NRXN3: variants seen among roughly 807,000 people sequenced by gnomAD.
NRXN3 encodes neurexin 3.
NRXN3 carries 32 observed loss-of-function variants against 137.6 expected under a neutral mutation model. The ratio of observed to expected loss-of-function variants is 0.23; its 90% confidence interval spans 0.18 to 0.31. The LOEUF is 0.31. NRXN3 is among the 10% of genes least tolerant of loss of function. The pLI, the probability that NRXN3 is intolerant of heterozygous loss-of-function variation, is 1.00. For missense variants in NRXN3, 1,574 were observed against 2,062.5 expected (o/e 0.76, Z 4.59); for synonymous variants, 798 against 784.5 (o/e 1.02, Z -0.29).
chr14:78,887,365 TTA>T (rs761851362), intron 10 of NRXN3, among the ~76,000 whole-genome samples: 1 of 152,038 alleles, frequency 6.6e-6, no homozygotes, highest in South Asian at 2.1e-4. Context: ...AAAGATTATT[TTA>T]TCTTTCTTTT....
intron 20 of NRXN3, among the ~76,000 whole-genome samples, chr14:79,848,635 A>G (rs2099385490): frequency 6.6e-6 from 1 of 152,154 alleles, no homozygotes; most frequent in Admixed American, 6.5e-5. Context: ...CCAGTCAGAA[A>G]TGAAGGTTTT....
chr14:79,246,695 C>T (rs1429900019), intron 15 of NRXN3: 1 of 152,126 alleles, frequency 6.6e-6, no homozygotes, highest in Non-Finnish European at 1.5e-5. Context: ...TGGCAAAAAT[C>T]AGAATAAAGC....
At chr14:79,128,323 T>C (rs2056886737) in intron 15 of NRXN3, among the ~76,000 whole-genome samples, 2 of 141,194 alleles carry the variant, frequency 1.4e-5, no homozygotes, top group African/African-American at 2.7e-5. Context: ...TTGTCATAGA[T>C]AGCTCTTATT....
intron 4 of NRXN3, among the ~76,000 whole-genome samples, chr14:78,469,080 C>T (rs1330479355): frequency 6.6e-6 from 1 of 152,082 alleles, no homozygotes; most frequent in Non-Finnish European, 1.5e-5. Flanking sequence ...ACCTTCTCCA[C>T]CTAGTTACAC....
intron 4 of NRXN3, chr14:78,300,779 C>A: frequency 1.2e-6 from 1 of 868,366 alleles, no homozygotes; most frequent in Non-Finnish European, 1.8e-6. Flanking sequence ...ATTCTGAATA[C>A]AGTCCAGATT....
intron 15 of NRXN3, among the ~76,000 whole-genome samples, chr14:79,182,570 G>A (rs1177952850): frequency 6.6e-6 from 1 of 152,172 alleles, no homozygotes; most frequent in African/African-American, 2.4e-5. Context: ...AGGCAGTAAT[G>A]CGAGGAGTGG....
chr14:78,824,461 C>T (rs1307715082), intron 10 of NRXN3, among the ~76,000 whole-genome samples: 2 of 152,120 alleles, frequency 1.3e-5, no homozygotes, highest in Admixed American at 1.3e-4. Flanking sequence ...ATATAGAAGG[C>T]ATTAGTGAAC....
chr14:79,613,696 C>A (rs1266681381), intron 16 of NRXN3, among the ~76,000 whole-genome samples: 1 of 152,222 alleles, frequency 6.6e-6, no homozygotes, highest in Non-Finnish European at 1.5e-5. Flanking sequence ...CACATACTTA[C>A]TTATTTCACC....
At chr14:79,078,988 G>T (rs2046437194) in intron 15 of NRXN3, among the ~76,000 whole-genome samples, 1 of 152,110 alleles carries the variant, frequency 6.6e-6, no homozygotes, top group Non-Finnish European at 1.5e-5. Context: ...TATAATTCAT[G>T]GCATTGTGTA....
chr14:78,697,427 C>T (rs529661253), intron 6 of NRXN3, among the ~76,000 whole-genome samples: 2 of 151,948 alleles, frequency 1.3e-5, no homozygotes, highest in South Asian at 4.2e-4. Flanking sequence ...AATAAGGCAA[C>T]GGAGTGAGTC....
chr14:78,467,952 C>T (rs1011287365), intron 4 of NRXN3, among the ~76,000 whole-genome samples: 1 of 151,730 alleles, frequency 6.6e-6, no homozygotes, highest in Non-Finnish European at 1.5e-5. Flanking sequence ...GAGATGGAGG[C>T]TCGTTCTGTC....
intron 15 of NRXN3, among the ~76,000 whole-genome samples, chr14:79,391,884 G>A (rs2094856709): frequency 6.6e-6 from 1 of 152,176 alleles, no homozygotes; most frequent in African/African-American, 2.4e-5. Flanking sequence ...AAAGAGAGAT[G>A]CTAACTTTTT....
At chr14:79,377,873 G>A (rs1702694300) in intron 15 of NRXN3, among the ~76,000 whole-genome samples, 1 of 152,212 alleles carries the variant, frequency 6.6e-6, no homozygotes, top group South Asian at 2.1e-4. Flanking sequence ...AAGCAGAAAT[G>A]CATAGCAAAG....
intron 15 of NRXN3, among the ~76,000 whole-genome samples, chr14:79,326,738 G>A (rs999453309): frequency 1.3e-5 from 2 of 152,118 alleles, no homozygotes; most frequent in Non-Finnish European, 1.5e-5. Context: ...ATTGTCACAA[G>A]CCAGATTATT....
chr14:79,488,247 C>G (rs116967384), intron 16 of NRXN3, among the ~76,000 whole-genome samples: 6 of 152,160 alleles, frequency 3.9e-5, no homozygotes, highest in Non-Finnish European at 8.8e-5. Context: ...ATCAGAAGAC[C>G]TGAGTTTCAT....
At chr14:78,937,177 G>A (rs1234449549) in intron 10 of NRXN3, among the ~76,000 whole-genome samples, 1 of 136,650 alleles carries the variant, frequency 7.3e-6, no homozygotes, top group Non-Finnish European at 1.5e-5. Context: ...AGTCCAGATC[G>A]TGCCATTGAA....
At chr14:78,434,559 A>G (rs2093998547) in intron 4 of NRXN3, among the ~76,000 whole-genome samples, 1 of 152,146 alleles carries the variant, frequency 6.6e-6, no homozygotes, top group Non-Finnish European at 1.5e-5. Flanking sequence ...AGCACCATAT[A>G]TCATACATAA....
intron 1 of NRXN3, among the ~76,000 whole-genome samples, chr14:78,239,035 A>G (rs1380876009): frequency 6.6e-6 from 1 of 152,248 alleles, no homozygotes; most frequent in Non-Finnish European, 1.5e-5. Flanking sequence ...ATGGGGGTTC[A>G]GGATTGATGT....
intron 14 of NRXN3, among the ~76,000 whole-genome samples, chr14:78,978,134 C>T (rs946089001): frequency 1.3e-5 from 2 of 152,152 alleles, no homozygotes. Flanking sequence ...TCACTGATCA[C>T]TCTAATCATG....
Sources: gnomAD v4.1 joint callset for allele counts (sites outside exome capture counted in the v4.1 genomes callset) on GRCh38, gnomAD v4.1.1 for gene constraint, MANE v1.5 for transcripts, NCBI Gene and HGNC (gene_info 2026-07-23, HGNC 2026-07-21) for gene names.